SVOP: variants seen among roughly 807,000 people sequenced by gnomAD.
SVOP encodes the protein SV2 related protein, also known as synaptic vesicle 2-related protein.
Under a neutral mutation model 69.1 loss-of-function variants are expected in SVOP, and 17 were observed. The observed-to-expected ratio is 0.25, with a 90% CI of 0.17 to 0.37. SVOP has a LOEUF of 0.37. Ranked by LOEUF, SVOP falls within the 10% of genes least tolerant of loss-of-function variation. The pLI is 1.00. For missense variants in SVOP, 435 were observed against 597.5 expected, an observed-to-expected ratio of 0.73 and a Z score of 2.84; for synonymous variants, 238 against 238.6, an observed-to-expected ratio of 1.00 and a Z score of 0.02.
At chr12:109,002,837 T>C (rs1366358037) in intron 1 of SVOP, among the ~76,000 whole-genome samples, 1 of 145,446 alleles carries the variant, frequency 6.9e-6, no homozygotes. Context: ...AGGGATAGCA[T>C]TGGGAGATAT....
At chr12:108,991,343 T>C (rs149614944) in intron 1 of SVOP, among the ~76,000 whole-genome samples, 135,195 of 152,086 alleles carry the variant, frequency 0.89, 61,218 homozygotes, top group Non-Finnish European at 0.99. Flanking sequence ...CTCACGCCTC[T>C]AATCCCAGCA....
At chr12:109,008,721 T>C (rs888437864) in intron 1 of SVOP, among the ~76,000 whole-genome samples, 2 of 152,062 alleles carry the variant, frequency 1.3e-5, no homozygotes, top group Admixed American at 1.3e-4. Flanking sequence ...ACTTTACAGA[T>C]GATAAAACTG....
At position 108,936,170 on chromosome 12, in the gene SVOP, C is replaced by A. The variant is rs147299000; in HGVS notation, c.971+1094G>T. Among the ~76,000 whole-genome samples the A allele has an allele frequency of 2.0e-5, 3 of 152,078 alleles. No homozygotes were observed. In the East Asian group the frequency reaches 5.8e-4, roughly 30 times the overall value. On this transcript the variant is annotated intron_variant, in intron 10 of 15. Coordinates refer to ENST00000610966, the MANE Select transcript of SVOP (RefSeq NM_018711.5). ...AAGTGGTTCTCATCCCCCAGCCTCC[C>A]AAGTAGCTGGGACTACAGGTGCCCA...
At chr12:108,964,969 A>T (rs1486122025) in intron 5 of SVOP, among the ~76,000 whole-genome samples, 1 of 152,176 alleles carries the variant, frequency 6.6e-6, no homozygotes. Flanking sequence ...TTCTTCACCC[A>T]TTCATTCATT....
chr12:108,925,220 T>A (rs2039773059), intron 11 of SVOP, among the ~76,000 whole-genome samples: 1 of 152,208 alleles, frequency 6.6e-6, no homozygotes, highest in South Asian at 2.1e-4. Context: ...GGAGGTCGGA[T>A]CTTCAGTGTG....
intron 1 of SVOP, among the ~76,000 whole-genome samples, chr12:109,015,615 G>C (rs2040363717): frequency 6.8e-6 from 1 of 147,482 alleles, no homozygotes; most frequent in Non-Finnish European, 1.5e-5. Context: ...TGACCAGCCT[G>C]GCCAACATGA....
In SVOP at chr12:108,931,985, G is replaced by A. The variant is rs138027173; in HGVS notation, c.1048+2210C>T. On this transcript the variant is annotated intron_variant, in intron 11 of 15. Coordinates refer to ENST00000610966, the MANE Select transcript of SVOP (RefSeq NM_018711.5). ...TACTATACTTCGTGAGGGCTCTTTA[G>A]GGGATTTGCGATGATAATTTTATTT... is the stretch of plus-strand genomic sequence containing the variant. Among the ~76,000 whole-genome samples the A allele has an allele frequency of 4.6e-5, 7 of 152,094 alleles. No homozygotes were observed. In the South Asian group the frequency reaches 1.0e-3, roughly 23 times the overall value.
chr12:108,972,794 C>T (rs1442777220), intron 4 of SVOP, among the ~76,000 whole-genome samples: 1 of 152,196 alleles, frequency 6.6e-6, no homozygotes, highest in African/African-American at 2.4e-5. Flanking sequence ...CCAGAACTAG[C>T]TTTTGACAAG....
intron 1 of SVOP, among the ~76,000 whole-genome samples, chr12:108,988,731 G>A (rs1411270954): frequency 7.2e-6 from 1 of 138,402 alleles, no homozygotes; most frequent in Non-Finnish European, 1.6e-5. Flanking sequence ...TCTTCAGGTA[G>A]ATTTCCCTTT....
At chr12:108,952,400 A>G (rs1022914533) in intron 6 of SVOP, among the ~76,000 whole-genome samples, 1 of 151,398 alleles carries the variant, frequency 6.6e-6, no homozygotes, top group African/African-American at 2.4e-5. Flanking sequence ...ACGCCTGGCT[A>G]ATTTTTATAT....
chr12:108,956,264 T>C (rs2039985281), intron 6 of SVOP, among the ~76,000 whole-genome samples: 1 of 148,520 alleles, frequency 6.7e-6, no homozygotes, highest in African/African-American at 2.5e-5. Context: ...ATTGCGCCAC[T>C]GCACTCCAGC....
At chr12:108,959,495 A>G (rs2040005016) in intron 6 of SVOP, among the ~76,000 whole-genome samples, 1 of 151,878 alleles carries the variant, frequency 6.6e-6, no homozygotes, top group Non-Finnish European at 1.5e-5. Context: ...CTGGGACTAC[A>G]GGTGCCCGCC....
At chr12:109,007,285 A>T (rs2040314109) in intron 1 of SVOP, among the ~76,000 whole-genome samples, 1 of 152,230 alleles carries the variant, frequency 6.6e-6, no homozygotes, top group Admixed American at 6.5e-5. Flanking sequence ...GAAGCAGCAG[A>T]GACTGCCAAG....
Position 108,940,834 on chromosome 12 carries a change from G to T in SVOP, c.718C>A (p.Leu240Met). ...FVMPSLGWRW[L>M]LILSAVPLLL... ...AGCGGGACAGCTGAGAGGATGAGCA[G>T]CCAACGCCAGCCCAGGCTGGGCATC... The change falls in exon 8 of 16, where the codon CTG becomes ATG. Residue 240 changes from leucine to methionine, a missense_variant. Transcript: ENST00000610966. 3 of 1,537,242 alleles carry T rather than the reference G, an allele frequency of 2.0e-6. No individual in the cohort carries two copies. Among genetic ancestry groups the T allele is most frequent in the Non-Finnish European group, 2.6e-6 (3 of 1,146,904 alleles).
At chr12:108,933,321 G>C (rs2137400350) in intron 11 of SVOP, among the ~76,000 whole-genome samples, 1 of 152,244 alleles carries the variant, frequency 6.6e-6, no homozygotes, top group Admixed American at 6.5e-5. Context: ...AGGCTGCAGT[G>C]AGCCATGACT....
rs558431050 is a variant in SVOP at position 108,991,485 on chromosome 12, T to G, written c.36-7724A>C. ...TGTTTGTTTGTTTTGAGACAGAATC[T>G]TGCTAGGTCACCAAGGCTGGAGTGC... On this transcript the variant is annotated intron_variant, in intron 1 of 15. Coordinates refer to ENST00000610966, the MANE Select transcript of SVOP (RefSeq NM_018711.5). Among the ~76,000 whole-genome samples the G allele has an allele frequency of 3.8e-4, 58 of 151,498 alleles. 1 individual carries two copies. Among genetic ancestry groups the G allele is most frequent in the African/African-American group, 1.4e-3 (56 of 41,402 alleles).
At chr12:108,979,253 G>A (rs910327822) in intron 2 of SVOP, among the ~76,000 whole-genome samples, 1 of 151,954 alleles carries the variant, frequency 6.6e-6, no homozygotes, top group Non-Finnish European at 1.5e-5. Flanking sequence ...TTTTGTTTTT[G>A]TTTTGAGACA....
chr12:108,967,472 C>A (rs1386723924), intron 5 of SVOP, among the ~76,000 whole-genome samples: 3 of 151,284 alleles, frequency 2.0e-5, no homozygotes, highest in African/African-American at 7.3e-5. Flanking sequence ...GCACTCCAGC[C>A]TGGGTGACAA....
chr12:108,921,307 G>A (rs1214703709), intron 12 of SVOP, among the ~76,000 whole-genome samples: 1 of 152,146 alleles, frequency 6.6e-6, no homozygotes, highest in Non-Finnish European at 1.5e-5. Flanking sequence ...GAATTCTAGG[G>A]TGGCAGCACA....
Sources: gnomAD v4.1 joint callset for allele counts (sites outside exome capture counted in the v4.1 genomes callset) on GRCh38, gnomAD v4.1.1 for gene constraint, MANE v1.5 for transcripts, NCBI Gene and HGNC (gene_info 2026-07-23, HGNC 2026-07-21) for gene names.